Variants in CRYBB1 observed in about 807,000 individuals in gnomAD.
CRYBB1 encodes the protein beta-crystallin B1.
CRYBB1 carries 16 observed loss-of-function variants against 29.5 expected under a neutral mutation model. That is an observed-to-expected ratio of 0.54 (90% CI 0.37 to 0.82). The LOEUF (loss-of-function observed/expected upper bound fraction) is 0.82. Ranked by LOEUF, CRYBB1 falls within the 40% of genes least tolerant of loss-of-function variation. CRYBB1 has a pLI of 0.00. For synonymous variants in CRYBB1, 127 were observed against 136.7 expected, an observed-to-expected ratio of 0.93 and a Z score of 0.49; for missense variants, 300 against 350.5, an observed-to-expected ratio of 0.86 and a Z score of 1.15.
At position 26,599,358 on chromosome 22, in the gene CRYBB1, C is replaced by A. The variant is rs1327166240; in HGVS notation, c.*132G>T. 12 of 817,436 alleles carry A rather than the reference C, an allele frequency of 1.5e-5. No homozygotes were observed. Among genetic ancestry groups the A allele is most frequent in the Non-Finnish European group, 2.4e-5 (12 of 500,740 alleles). The allele number at this position is 817,436 out of a possible 1,614,324, so 50.6% of individuals were successfully genotyped here. ...TCACATCCCAGTAACTATGGGGGAC[C>A]TCAAGGCACACATCTGTTTACAGAT... On this transcript the variant is annotated 3_prime_UTR_variant, in exon 6 of 6. Coordinates refer to ENST00000647684, the MANE Select transcript of CRYBB1 (RefSeq NM_001887.4).
intron 2 of CRYBB1, among the ~76,000 whole-genome samples, chr22:26,613,441 G>A (rs1288314630): frequency 1.3e-5 from 2 of 152,232 alleles, no homozygotes; most frequent in Non-Finnish European, 2.9e-5. Flanking sequence ...TGAAGCCATG[G>A]CAGAAGAACG....
At chr22:26,612,597 C>T (rs1286385694) in intron 2 of CRYBB1, among the ~76,000 whole-genome samples, 1 of 152,198 alleles carries the variant, frequency 6.6e-6, no homozygotes, top group Admixed American at 6.5e-5. Context: ...AAATGATTGG[C>T]CTGCCTTGGC....
intron 4 of CRYBB1, among the ~76,000 whole-genome samples, chr22:26,602,573 A>AG (rs1191736594): frequency 1.3e-5 from 2 of 151,218 alleles, no homozygotes; most frequent in Non-Finnish European, 3.0e-5. Flanking sequence ...CCTGGGTGAC[A>AG]GAGCAAGACC....
intron 2 of CRYBB1, among the ~76,000 whole-genome samples, chr22:26,614,533 C>T (rs5997108): frequency 0.018 from 2,675 of 152,254 alleles, 74 homozygotes; most frequent in African/African-American, 0.061. Context: ...TGAAATCGTG[C>T]TTAGCAGGAA....
chr22:26,611,918 C>T (rs761516977), intron 3 of CRYBB1, among the ~76,000 whole-genome samples, 154 bp downstream of exon 3: 1 of 152,174 alleles, frequency 6.6e-6, no homozygotes, highest in East Asian at 1.9e-4. Flanking sequence ...AACAATTCCT[C>T]CCTCTTCAGT....
intron 4 of CRYBB1, 127 bp from the exon 5 acceptor site, chr22:26,602,148 G>A (rs566317316): frequency 1.7e-6 from 2 of 1,178,588 alleles, no homozygotes; most frequent in Non-Finnish European, 2.5e-6. Context: ...GACTCTCCAG[G>A]GACCACTGCT....
intron 3 of CRYBB1, among the ~76,000 whole-genome samples, chr22:26,610,817 C>A (rs908560745): frequency 2.6e-5 from 4 of 152,170 alleles, no homozygotes; most frequent in Admixed American, 6.5e-5. Context: ...GATGGGGAAA[C>A]TGAGGCTTGC....
At chr22:26,613,669 G>A (rs9608510) in intron 2 of CRYBB1, among the ~76,000 whole-genome samples, 29,795 of 151,960 alleles carry the variant, frequency 0.2, 3,144 homozygotes, top group Middle Eastern at 0.23. Context: ...CCTCAGGACC[G>A]TGTGATAATT....
chr22:26,599,774 C>G (rs563081869), intron 5 of CRYBB1, 101 bp from the exon 6 acceptor site: 3 of 894,092 alleles, frequency 3.4e-6, no homozygotes, highest in Non-Finnish European at 3.7e-6. Flanking sequence ...TCCCTGCAGT[C>G]GGCTGCTCTC....
intron 4 of CRYBB1, among the ~76,000 whole-genome samples, chr22:26,607,019 CTTTTTTTT>C (rs34126720): frequency 8.9e-6 from 1 of 111,962 alleles, no homozygotes; most frequent in Non-Finnish European, 1.7e-5. Flanking sequence ...TATCCCTCTC[CTTTTTTTT>C]TTTTTTTTTT....
chr22:26,606,690 A>G (rs1457926502), intron 4 of CRYBB1, among the ~76,000 whole-genome samples: 2 of 152,260 alleles, frequency 1.3e-5, no homozygotes, highest in Non-Finnish European at 2.9e-5. Flanking sequence ...TGAATAATCC[A>G]TTAAGATAAA....
rs762531381 is a variant in CRYBB1 at position 26,607,904 on chromosome 22, G to A, written c.417C>T (p.Phe139=). 8.7e-6 allele frequency: 14 copies of A among 1,614,092 alleles called. No individual in the cohort carries two copies. In the South Asian group the frequency reaches 1.2e-4, roughly 14 times the overall value. ...AGCCACTCACCATTTTGATGGGCCG[G>A]AAGGACATGAGCCGATCACTGCGGT... ...SSYRSDRLMS[F]RPIKMDAQEH... The change falls in exon 4 of 6, where the codon TTC becomes TTT. Residue 139 remains phenylalanine, a synonymous_variant. Coordinates refer to ENST00000647684, the MANE Select transcript of CRYBB1 (RefSeq NM_001887.4).
At chr22:26,606,879 T>C (rs1448640292) in intron 4 of CRYBB1, among the ~76,000 whole-genome samples, 1 of 152,214 alleles carries the variant, frequency 6.6e-6, no homozygotes, top group Non-Finnish European at 1.5e-5. Flanking sequence ...TGGAAAAAAC[T>C]GTGAATCACT....
In CRYBB1 at chr22:26,602,772, T is replaced by C. The variant is rs1013382901; in HGVS notation, c.433-751A>G. 3.9e-5 allele frequency among the ~76,000 whole-genome samples: 6 copies of C among 152,194 alleles called. No homozygotes were observed. The South Asian group carries it at 1.2e-3, about 32-fold the overall frequency. ...GTTTAACCAATTGCCCTTTTGTAAA[T>C]GCTTCTTACAAACCAGGTGAAACGT... On this transcript the variant is annotated intron_variant, in intron 4 of 5. Transcript: ENST00000647684.
At chr22:26,610,930 C>T (rs931491140) in intron 3 of CRYBB1, among the ~76,000 whole-genome samples, 63 of 152,190 alleles carry the variant, frequency 4.1e-4, no homozygotes, top group Non-Finnish European at 3.4e-4. Flanking sequence ...GACTGGAACC[C>T]TTGCAGGCTT....
At chr22:26,601,848 G>C (rs757542184) in intron 5 of CRYBB1, 31 bp downstream of exon 5, 2 of 1,611,430 alleles carry the variant, frequency 1.2e-6, no homozygotes, top group Non-Finnish European at 8.5e-7. Flanking sequence ...CTTGAAGCAG[G>C]GGACGCGGAC....
intron 4 of CRYBB1, among the ~76,000 whole-genome samples, chr22:26,605,944 A>T (rs145661908): frequency 3.7e-4 from 56 of 152,334 alleles, no homozygotes; most frequent in African/African-American, 1.3e-3. Context: ...TGCAGGCCAC[A>T]TGTGGCTCAG....
intron 3 of CRYBB1, among the ~76,000 whole-genome samples, chr22:26,609,239 A>C (rs2145965709): frequency 6.6e-6 from 1 of 152,370 alleles, no homozygotes; most frequent in South Asian, 2.1e-4. Flanking sequence ...AATGCATCAC[A>C]GGAGCCTCAG....
intron 3 of CRYBB1, among the ~76,000 whole-genome samples, chr22:26,611,695 C>T (rs1488662388): frequency 6.6e-6 from 1 of 151,940 alleles, no homozygotes; most frequent in African/African-American, 2.4e-5. Context: ...AGGATGGTCT[C>T]GATCTCCTGA....
Sources: allele counts gnomAD v4.1 joint callset (sites outside exome capture counted in the v4.1 genomes callset), GRCh38; gene constraint gnomAD v4.1.1; transcripts MANE v1.5; gene names NCBI Gene and HGNC (gene_info 2026-07-23, HGNC 2026-07-21).